Variants in BRD4 observed in about 807,000 individuals in gnomAD.
BRD4 encodes bromodomain containing 4.
In BRD4, 16 loss-of-function variants were observed where a neutral mutation model predicts 142.1. That is an observed-to-expected ratio of 0.11 (90% CI 0.08 to 0.17). The LOEUF (loss-of-function observed/expected upper bound fraction) is 0.17. Ranked by LOEUF, BRD4 falls within the 10% of genes least tolerant of loss-of-function variation. The pLI, the probability that BRD4 is intolerant of heterozygous loss-of-function variation, is 1.00. For synonymous variants in BRD4, 833 were observed against 707.5 expected (o/e 1.18, Z -2.82); for missense variants, 1,424 against 1,810.9 (o/e 0.79, Z 3.88).
At chr19:15,307,108 C>G (rs888625851) in intron 1 of BRD4, among the ~76,000 whole-genome samples, 2 of 152,110 alleles carry the variant, frequency 1.3e-5, no homozygotes, top group African/African-American at 4.8e-5. Flanking sequence ...GGGAAAGGAA[C>G]ACACACAGGA....
chr19:15,255,955 G>A, intron 9 of BRD4, 109 bp downstream of exon 9: 1 of 1,430,856 alleles, frequency 7.0e-7, no homozygotes, highest in Non-Finnish European at 9.5e-7. Context: ...GGCTGCAGAG[G>A]GGCAGCCTCC....
chr19:15,279,433 C>T (rs1196573922), intron 1 of BRD4, among the ~76,000 whole-genome samples: 1 of 152,174 alleles, frequency 6.6e-6, no homozygotes, highest in Middle Eastern at 3.2e-3. Context: ...TGGCAGCAAG[C>T]CCTCTTCACT....
intron 1 of BRD4, among the ~76,000 whole-genome samples, chr19:15,273,712 G>C (rs2046051468): frequency 6.6e-6 from 1 of 151,844 alleles, no homozygotes; most frequent in Non-Finnish European, 1.5e-5. Context: ...AACCTACTAA[G>C]AATATTTTCT....
intron 11 of BRD4, chr19:15,247,579 T>C (rs796825624): frequency 8.6e-6 from 2 of 232,194 alleles, no homozygotes; most frequent in East Asian, 6.1e-5. Context: ...TGCGTGCGTG[T>C]GTCGGGGGCA....
intron 1 of BRD4, among the ~76,000 whole-genome samples, chr19:15,273,919 A>G (rs2047618347): frequency 1.3e-5 from 2 of 151,352 alleles, no homozygotes; most frequent in Admixed American, 1.3e-4. Flanking sequence ...CTTTATGCCT[A>G]GCACACACTA....
At position 15,253,385 on chromosome 19, in the gene BRD4, C is replaced by T. The variant is rs180971893; in HGVS notation, c.2158+767G>A. 5.6e-4 allele frequency: 352 copies of T among 633,002 alleles called. No homozygotes were observed. Among genetic ancestry groups the T allele is most frequent in the Non-Finnish European group, 7.8e-4 (284 of 365,454 alleles). 39.2% of individuals were successfully genotyped at this position (633,002 alleles called of 1,614,324 possible). A position where few individuals can be genotyped will look rare whatever the true frequency, so the allele number is the denominator to read the frequency against. ...TCCCCTCTCCACTCCCACCTGGCAC[C>T]CAGCATCACTACCTGCCTCCACCTC... On this transcript the variant is annotated intron_variant, in intron 11 of 19. Transcript: ENST00000679869.
At chr19:15,256,400 G>T in intron 8 of BRD4, 137 bp from the exon 9 acceptor site, 1 of 1,058,328 alleles carries the variant, frequency 9.4e-7, no homozygotes, top group Non-Finnish European at 1.4e-6. Context: ...GGAGGCAGGG[G>T]AAGGGAAGGC....
At chr19:15,325,861 G>A (rs573890864) in intron 1 of BRD4, among the ~76,000 whole-genome samples, 38 of 151,860 alleles carry the variant, frequency 2.5e-4, no homozygotes, top group African/African-American at 7.5e-4. Context: ...AGCTGGGCGT[G>A]GTGGTGCATG....
intron 14 of BRD4, among the ~76,000 whole-genome samples, chr19:15,240,511 C>T (rs763576739): frequency 2.0e-5 from 3 of 152,182 alleles, no homozygotes; most frequent in Non-Finnish European, 4.4e-5. Context: ...TGGGGATGCT[C>T]AGGACCCTCC....
At chr19:15,330,182 A>G (rs987237291) in intron 1 of BRD4, among the ~76,000 whole-genome samples, 1 of 152,198 alleles carries the variant, frequency 6.6e-6, no homozygotes, top group Admixed American at 6.5e-5. Flanking sequence ...ACTCCTTCCA[A>G]TTAAGACCAA....
rs530226057 is a variant in BRD4 at position 15,253,997 on chromosome 19, G to C, written c.2158+155C>G. The C allele has an allele frequency of 1.1e-3, 781 of 728,752 alleles. 1 individual carries two copies. Among genetic ancestry groups the C allele is most frequent in the Non-Finnish European group, 1.6e-3 (699 of 436,246 alleles). 45.1% of individuals were successfully genotyped at this position (728,752 alleles called of 1,614,324 possible). A position where few individuals can be genotyped will look rare whatever the true frequency, so the allele number is the denominator to read the frequency against. Reference sequence around the variant, plus strand: ...GAGTGCAGGGCTATTCATGGCCCCAGGGAGACAGTTAACAAAGAGACAGAC... The same window carrying C: ...GAGTGCAGGGCTATTCATGGCCCCACGGAGACAGTTAACAAAGAGACAGAC... On this transcript the variant is annotated intron_variant, in intron 11 of 19. Coordinates refer to ENST00000679869, the MANE Select transcript of BRD4 (RefSeq NM_001379291.1).
rs547565445 is a variant in BRD4, at chr19:15,290,406, G to A, written c.-34-17273C>T. Among the ~76,000 whole-genome samples the A allele has an allele frequency of 4.2e-4, 64 of 152,230 alleles. No homozygotes were observed. The South Asian group carries it at 0.013, about 32-fold the overall frequency. On this transcript the variant is annotated intron_variant, in intron 1 of 19. Coordinates refer to ENST00000679869, the MANE Select transcript of BRD4 (RefSeq NM_001379291.1). ...CAGAAATAGAATTTGTTCCCTTGGC[G>A]TTCACTGGTTGCCATAGAAATCAAA...
chr19:15,324,207 G>A (rs1011288986), intron 1 of BRD4, among the ~76,000 whole-genome samples: 1 of 152,172 alleles, frequency 6.6e-6, no homozygotes, highest in African/African-American at 2.4e-5. Flanking sequence ...CATGCCTGGG[G>A]AGGGGGGAAG....
rs2047545152 is a variant in BRD4, at chr19:15,267,432, A to G, written c.543T>C (p.Arg181=). 1 of 1,613,894 alleles carries G rather than the reference A, an allele frequency of 6.2e-7. No individual in the cohort carries two copies. The highest frequency in any genetic ancestry group is 1.1e-5 in the South Asian group (1 of 91,070). ...GTACTCTACCTGTTTCTTTCCTCCC[A>G]CGTCCTCTTCCTTTTGCCTGGACTA... The part of the protein sequence containing the change: ...IMIVQAKGRG[R]GRKETGTAKP... The change falls in exon 4 of 20, where the codon CGT becomes CGC. Residue 181 remains arginine (R), a synonymous_variant. Transcript: ENST00000679869.
In BRD4 at chr19:15,255,601, G is replaced by A. The variant is rs764235803; in HGVS notation, c.1752-9C>T. The A allele has an allele frequency of 6.3e-7, 1 of 1,595,872 alleles. No individual in the cohort carries two copies. Among genetic ancestry groups the A allele is most frequent in the Non-Finnish European group, 8.6e-7 (1 of 1,167,504 alleles). Reference sequence around the variant, plus strand: ...GCGCTGGCTCCTTCTTGCTACGAAGGGACGATGCAGACACCATCAAGAACG... The same window carrying A: ...GCGCTGGCTCCTTCTTGCTACGAAGAGACGATGCAGACACCATCAAGAACG... On this transcript the variant is annotated splice_polypyrimidine_tract_variant and intron_variant, in intron 9 of 19. Coordinates refer to ENST00000679869, the MANE Select transcript of BRD4 (RefSeq NM_001379291.1).
rs201696425 is a variant in BRD4, at chr19:15,267,498, T to C, written c.477A>G (p.Gln159=). 3.1e-6 allele frequency: 5 copies of C among 1,614,194 alleles called. No homozygotes were observed. The highest frequency in any genetic ancestry group is 1.6e-4 in the Middle Eastern group (1 of 6,062). Residue 159 remains glutamine (Q), a synonymous_variant, in exon 4 of 20, where the codon CAA becomes CAG. Coordinates refer to ENST00000679869, the MANE Select transcript of BRD4 (RefSeq NM_001379291.1). The part of the protein sequence containing the change: ...MAEALEKLFL[Q]KINELPTEET... ...CTTCTGTGGGTAGCTCATTTATTTTTTGCAAGAAGAGCTTTTCCAGAGCTT... is the reference window on the plus strand; with the variant it reads ...CTTCTGTGGGTAGCTCATTTATTTTCTGCAAGAAGAGCTTTTCCAGAGCTT...
chr19:15,280,473 G>T, intron 1 of BRD4: 2 of 1,008,794 alleles, frequency 2.0e-6, no homozygotes, highest in Middle Eastern at 4.8e-4. Context: ...AAACAAATCA[G>T]AGCCAAGACC....
At chr19:15,264,176 AAG>A in intron 6 of BRD4, 1 of 514,778 alleles carries the variant, frequency 1.9e-6, no homozygotes, top group East Asian at 3.3e-5. Context: ...AGACTAGGGG[AAG>A]GGGCAGCACA....
intron 1 of BRD4, among the ~76,000 whole-genome samples, chr19:15,289,788 G>A (rs2047767922): frequency 6.6e-6 from 1 of 152,136 alleles, no homozygotes; most frequent in African/African-American, 2.4e-5. Context: ...GGAGAAGTGT[G>A]CTTGTAAGGA....
Sources: gnomAD v4.1 joint callset for allele counts (sites outside exome capture counted in the v4.1 genomes callset) on GRCh38, gnomAD v4.1.1 for gene constraint, MANE v1.5 for transcripts, NCBI Gene and HGNC (gene_info 2026-07-23, HGNC 2026-07-21) for gene names.